The following CRTC3 variants were observed in gnomAD, a reference collection of about 807,000 sequenced individuals.
The protein encoded by CRTC3 is CREB regulated transcription coactivator 3.
A neutral mutation model predicts 74.5 loss-of-function variants in CRTC3; 26 were observed. That is an observed-to-expected ratio of 0.35 (90% CI 0.26 to 0.48). CRTC3 has a LOEUF of 0.48. Among genes scored for constraint, CRTC3 ranks in the 20% least tolerant of loss-of-function variants. The probability of loss-of-function intolerance (pLI) is 0.99; values close to 1 mark genes in which losing one functional copy is unlikely to be tolerated. For synonymous variants in CRTC3, 377 were observed against 325.8 expected (o/e 1.16, Z -1.69); for missense variants, 760 against 787.3 (o/e 0.97, Z 0.41).
At chr15:90,617,731 A>G (rs565525756) in intron 7 of CRTC3, 152 bp from the exon 8 acceptor site, 20 of 557,718 alleles carry the variant, frequency 3.6e-5, no homozygotes, top group African/African-American at 1.9e-4. Context: ...GGGTCTCACT[A>G]TGTTGCCCAG....
At chr15:90,602,259 T>C in intron 3 of CRTC3, 65 bp from the exon 4 acceptor site, 1 of 960,014 alleles carries the variant, frequency 1.0e-6, no homozygotes, top group Non-Finnish European at 1.7e-6. Flanking sequence ...TCTCTGTGAG[T>C]CCACCTTGTT....
chr15:90,620,190 C>A (rs748224062), intron 9 of CRTC3: 1 of 210,146 alleles, frequency 4.8e-6, no homozygotes, highest in Non-Finnish European at 9.5e-6. Context: ...GTTCACCTGG[C>A]AGCTTAATGG....
At chr15:90,605,659 C>T (rs1208784593) in intron 5 of CRTC3, among the ~76,000 whole-genome samples, 1 of 152,190 alleles carries the variant, frequency 6.6e-6, no homozygotes, top group Non-Finnish European at 1.5e-5. Flanking sequence ...TCAGCGGCCA[C>T]GCTCTTTCTG....
At chr15:90,611,536 T>A in intron 6 of CRTC3, among the ~76,000 whole-genome samples, 1 of 152,190 alleles carries the variant, frequency 6.6e-6, no homozygotes, top group East Asian at 1.9e-4. Context: ...GGCTTGGATA[T>A]TTTGATGATA....
chr15:90,563,045 G>C (rs569422955), intron 2 of CRTC3, among the ~76,000 whole-genome samples: 1 of 152,300 alleles, frequency 6.6e-6, no homozygotes, highest in East Asian at 1.9e-4. Flanking sequence ...CTACCAGTCC[G>C]TGCCTGCTTA....
intron 2 of CRTC3, among the ~76,000 whole-genome samples, chr15:90,591,133 T>TTA (rs397955398): frequency 6.6e-6 from 1 of 150,702 alleles, no homozygotes; most frequent in African/African-American, 2.4e-5. Context: ...TTTTTTTTTT[T>TTA]AATTTTTTTT....
At chr15:90,578,916 A>G (rs1252071390) in intron 2 of CRTC3, among the ~76,000 whole-genome samples, 1 of 152,144 alleles carries the variant, frequency 6.6e-6, no homozygotes, top group Non-Finnish European at 1.5e-5. Flanking sequence ...AAGCATCTGT[A>G]ATCTGTCTGT....
intron 2 of CRTC3, among the ~76,000 whole-genome samples, chr15:90,567,623 G>T (rs1341436368): frequency 6.6e-6 from 1 of 151,962 alleles, no homozygotes; most frequent in Admixed American, 6.6e-5. Context: ...GGGAGGCAGA[G>T]GTTGCAGTGA....
At chr15:90,562,806 A>AG in intron 2 of CRTC3, among the ~76,000 whole-genome samples, 1 of 151,916 alleles carries the variant, frequency 6.6e-6, no homozygotes, top group South Asian at 2.1e-4. Flanking sequence ...TGGATGGAAG[A>AG]GGGGGGTCAG....
intron 11 of CRTC3, chr15:90,634,617 G>T (rs1596147766): frequency 2.1e-6 from 1 of 479,106 alleles, no homozygotes; most frequent in Non-Finnish European, 3.8e-6. Flanking sequence ...TTTCCTCAGG[G>T]CCTGGTGATC....
At chr15:90,540,014 C>A in intron 1 of CRTC3, 25 bp from the exon 2 acceptor site, 1 of 1,491,124 alleles carries the variant, frequency 6.7e-7, no homozygotes, top group African/African-American at 1.4e-5. Flanking sequence ...TACCTCTCAG[C>A]GTTCTTAAAT....
At chr15:90,601,355 A>G (rs9652517) in intron 3 of CRTC3, among the ~76,000 whole-genome samples, 37,648 of 152,046 alleles carry the variant, frequency 0.25, 4,827 homozygotes, top group African/African-American at 0.33. Context: ...TTTTGGTTAT[A>G]AATACCAGGA....
At chr15:90,558,284 AGAG>A (rs1966936934) in intron 2 of CRTC3, among the ~76,000 whole-genome samples, 1 of 152,160 alleles carries the variant, frequency 6.6e-6, no homozygotes, top group South Asian at 2.1e-4. Flanking sequence ...GGCTTCTGGC[AGAG>A]GAGTCCTGTC....
rs185005224 is a variant in CRTC3 at position 90,541,846 on chromosome 15, T to C, written c.231+1709T>C. Among the ~76,000 whole-genome samples, 475 of 141,462 alleles carry C rather than the reference T, an allele frequency of 3.4e-3. 3 individuals carry two copies. The highest frequency in any genetic ancestry group is 0.012 in the African/African-American group (456 of 37,654). 92.8% of individuals were successfully genotyped at this position (141,462 alleles called of 152,430 possible). On this transcript the variant is annotated intron_variant, in intron 2 of 14. Transcript: ENST00000268184. ...TGTCGCCCAGGCAGGAGTGCAGTAGTGCAATCTCAGCTCACTGCAACCTCC... is the reference window on the plus strand; with the variant it reads ...TGTCGCCCAGGCAGGAGTGCAGTAGCGCAATCTCAGCTCACTGCAACCTCC...
chr15:90,638,861 A>T (rs776769990), intron 13 of CRTC3, 46 bp downstream of exon 13: 1 of 1,469,884 alleles, frequency 6.8e-7, no homozygotes, highest in Non-Finnish European at 9.5e-7. Flanking sequence ...CATAAACTGT[A>T]CCATTTAGGT....
chr15:90,636,143 C>T lies in CRTC3; in HGVS notation c.1267-2303C>T, dbSNP rs559480487. The stretch of plus-strand genomic sequence containing the variant: ...AACAAAGCTGGAGGCATCATGCTAC[C>T]TGACTTCAAACTATACTACAAGGCT... On this transcript the variant is annotated intron_variant, in intron 11 of 14. Coordinates refer to ENST00000268184, the MANE Select transcript of CRTC3 (RefSeq NM_022769.5). Among the ~76,000 whole-genome samples, 38 of 151,774 alleles carry T rather than the reference C, an allele frequency of 2.5e-4. No individual in the cohort carries two copies. The South Asian group carries it at 4.1e-3, about 17-fold the overall frequency.
intron 6 of CRTC3, among the ~76,000 whole-genome samples, chr15:90,609,361 A>G (rs1968304741): frequency 6.6e-6 from 1 of 152,182 alleles, no homozygotes; most frequent in Admixed American, 6.6e-5. Context: ...GTTTAGTTTC[A>G]GGATAGGTAG....
intron 2 of CRTC3, among the ~76,000 whole-genome samples, chr15:90,589,025 T>G (rs1179130416): frequency 6.6e-6 from 1 of 152,178 alleles, no homozygotes; most frequent in African/African-American, 2.4e-5. Context: ...TATGTGTTTT[T>G]GGGGTTTTGT....
chr15:90,538,842 T>C (rs1966760971), intron 1 of CRTC3, among the ~76,000 whole-genome samples: 1 of 150,296 alleles, frequency 6.7e-6, no homozygotes, highest in Non-Finnish European at 1.5e-5. Flanking sequence ...GAAAAGAGCA[T>C]GGCAGAAATG....
Sources: allele counts gnomAD v4.1 joint callset (sites outside exome capture counted in the v4.1 genomes callset), GRCh38; gene constraint gnomAD v4.1.1; transcripts MANE v1.5; gene names NCBI Gene and HGNC (gene_info 2026-07-23, HGNC 2026-07-21).